The following TMEM182 variants were observed in gnomAD, a reference collection of about 807,000 sequenced individuals.
TMEM182 encodes transmembrane protein 182.
In TMEM182, 20 loss-of-function variants were observed where a neutral mutation model predicts 26.8. That is an observed-to-expected ratio of 0.75 (90% CI 0.53 to 1.09). The LOEUF (loss-of-function observed/expected upper bound fraction) is 1.09. TMEM182 is among the 50% of genes least tolerant of loss of function. TMEM182 has a pLI of 0.00. For synonymous variants in TMEM182, 109 were observed against 102.2 expected, an observed-to-expected ratio of 1.07 and a Z score of -0.40; for missense variants, 277 against 275.5, an observed-to-expected ratio of 1.01 and a Z score of -0.04.
rs555988957 is a variant in TMEM182, at chr2:102,817,547, TGGTA to T, written c.*2582_*2585del. 360 of 985,406 alleles carry T rather than the reference TGGTA, an allele frequency of 3.7e-4. 8 individuals carry two copies. The South Asian group carries it at 0.015, about 41-fold the overall frequency. 61.0% of individuals were successfully genotyped at this position (985,406 alleles called of 1,614,324 possible). Reference sequence around the variant, plus strand: ...TGATCGTGTACAATTTGAGGGTTGATGGTAGGGCTTTCTAAAAAAAGTAATATCA... The same window carrying T: ...TGATCGTGTACAATTTGAGGGTTGATGGGCTTTCTAAAAAAAGTAATATCA... On this transcript the variant is annotated 3_prime_UTR_variant, in exon 5 of 5. Transcript: ENST00000412401.
In TMEM182 at chr2:102,817,543, T is replaced by C; in HGVS notation, c.*2575T>C. 1.0e-6 allele frequency: 1 copy of C among 985,316 alleles called. No individual in the cohort carries two copies. Among genetic ancestry groups the C allele is most frequent in the Non-Finnish European group, 1.2e-6 (1 of 829,916 alleles). 61.0% of individuals were successfully genotyped at this position (985,316 alleles called of 1,614,324 possible). A position where few individuals can be genotyped will look rare whatever the true frequency, so the allele number is the denominator to read the frequency against. On this transcript the variant is annotated 3_prime_UTR_variant, in exon 5 of 5. Transcript: ENST00000412401. ...TTAATGATCGTGTACAATTTGAGGG[T>C]TGATGGTAGGGCTTTCTAAAAAAAG... is the stretch of plus-strand genomic sequence containing the variant.
downstream of TMEM182, among the ~76,000 whole-genome samples, chr2:102,821,620 G>A (rs552396998): frequency 2.6e-5 from 4 of 152,138 alleles, no homozygotes; most frequent in African/African-American, 9.7e-5. Flanking sequence ...ACAGTCTCGG[G>A]TATTTCTTTA....
chr2:102,802,373 C>T (rs1458385242), intron 4 of TMEM182, among the ~76,000 whole-genome samples: 2 of 152,106 alleles, frequency 1.3e-5, no homozygotes, highest in Non-Finnish European at 2.9e-5. Flanking sequence ...GTGGATATTG[C>T]TTCTCCCTAC....
chr2:102,801,644 C>T (rs1453297288), intron 4 of TMEM182, among the ~76,000 whole-genome samples: 2 of 152,144 alleles, frequency 1.3e-5, no homozygotes, highest in Non-Finnish European at 2.9e-5. Flanking sequence ...TTAGATAAAA[C>T]AAAATACTTG....
downstream of TMEM182, among the ~76,000 whole-genome samples, chr2:102,822,178 A>G (rs80005505): frequency 8.3e-4 from 127 of 152,248 alleles, 3 homozygotes; most frequent in East Asian, 0.02. Context: ...CAGAGGAGCA[A>G]TGTGGGCCTG....
chr2:102,836,100 T>C (rs1683242112), intron 3 of TMEM182, among the ~76,000 whole-genome samples: 1 of 152,202 alleles, frequency 6.6e-6, no homozygotes, highest in South Asian at 2.1e-4. Flanking sequence ...CTGAATAATA[T>C]TCCATTGTTT....
rs563836509 is a variant in TMEM182, at chr2:102,840,625, G to A, written c.326-2787G>A. ...AATTAAAACAAAAATGAGGAAGGCC[G>A]ATTAAAAAAGAACATTTGACAGACA... On this transcript the variant is annotated intron_variant, in intron 3 of 3. Transcript: ENST00000486293. Among the ~76,000 whole-genome samples, 44 of 152,204 alleles carry A rather than the reference G, an allele frequency of 2.9e-4. No individual in the cohort carries two copies. In the South Asian group the frequency reaches 6.6e-3, roughly 23 times the overall value.
At chr2:102,758,597 T>A (rs2732838), upstream of TMEM182, 970 of 660,092 alleles carry the variant, frequency 1.5e-3, 8 homozygotes, top group African/African-American at 0.016. Context: ...GCTTAACAAG[T>A]ACCAAGCTGG....
At chr2:102,741,218 A>G (rs988765833) in intron 1 of TMEM182, among the ~76,000 whole-genome samples, 1 of 152,240 alleles carries the variant, frequency 6.6e-6, no homozygotes, top group Non-Finnish European at 1.5e-5. Flanking sequence ...TGCTGGGACT[A>G]GTAACTAGTA....
chr2:102,802,078 G>A (rs1201552629), intron 4 of TMEM182, among the ~76,000 whole-genome samples: 2 of 152,088 alleles, frequency 1.3e-5, no homozygotes, highest in Non-Finnish European at 2.9e-5. Context: ...GGTGCAGCCT[G>A]GGCTCAGGCT....
chr2:102,815,617 A>G lies in TMEM182; in HGVS notation c.*649A>G. The G allele has an allele frequency of 1.0e-6, 1 of 985,480 alleles. No individual in the cohort carries two copies. 61.0% of individuals were successfully genotyped at this position (985,480 alleles called of 1,614,324 possible). On this transcript the variant is annotated 3_prime_UTR_variant, in exon 5 of 5. Coordinates refer to ENST00000412401, the MANE Select transcript of TMEM182 (RefSeq NM_144632.5). ...TATTCACTTAATTGTGCATGCTTAC[A>G]TAAACTTTAAACTACATTTAAAACT...
chr2:102,828,313 T>G (rs1342744191), intron 3 of TMEM182, among the ~76,000 whole-genome samples: 1 of 152,148 alleles, frequency 6.6e-6, no homozygotes, highest in Non-Finnish European at 1.5e-5. Context: ...CTGATAGAAT[T>G]GCTAGCACGT....
At chr2:102,784,228 A>T (rs558977138) in intron 3 of TMEM182, among the ~76,000 whole-genome samples, 1 of 152,314 alleles carries the variant, frequency 6.6e-6, no homozygotes, top group East Asian at 1.9e-4. Flanking sequence ...CACTGGGTAG[A>T]CTAGTTTACA....
chr2:102,757,493 A>G (rs928052941), upstream of TMEM182: 1 of 152,072 alleles, frequency 6.6e-6, no homozygotes, highest in Non-Finnish European at 1.5e-5. Context: ...CCACAGAGAC[A>G]CTGGTTGTTT....
chr2:102,745,597 GC>G (rs1433302179), intron 1 of TMEM182, among the ~76,000 whole-genome samples: 1 of 151,790 alleles, frequency 6.6e-6, no homozygotes, highest in East Asian at 1.9e-4. Flanking sequence ...TTTAATCCCT[GC>G]CCCCCAAAAT....
At chr2:102,749,581 T>C (rs1679816222) in intron 1 of TMEM182, among the ~76,000 whole-genome samples, 1 of 152,182 alleles carries the variant, frequency 6.6e-6, no homozygotes, top group Non-Finnish European at 1.5e-5. Flanking sequence ...AATTTTATGG[T>C]ATATTAGTTA....
chr2:102,757,727 C>G (rs1400373354), upstream of TMEM182, among the ~76,000 whole-genome samples: 1 of 152,156 alleles, frequency 6.6e-6, no homozygotes, highest in African/African-American at 2.4e-5. Flanking sequence ...CTATAAAGAA[C>G]TGAACTACCA....
intron 3 of TMEM182, among the ~76,000 whole-genome samples, chr2:102,834,858 G>A (rs1683211916): frequency 1.3e-5 from 2 of 152,156 alleles, no homozygotes; most frequent in Non-Finnish European, 1.5e-5. Flanking sequence ...TGTTACCTTA[G>A]GAATAAAATA....
rs186896380 is a variant in TMEM182 at position 102,810,894 on chromosome 2, A to T, written c.470-3854A>T. 4.9e-4 allele frequency among the ~76,000 whole-genome samples: 75 copies of T among 152,146 alleles called. 2 individuals carry two copies. Among genetic ancestry groups the T allele is most frequent in the Admixed American group, 3.2e-3 (49 of 15,274 alleles). On this transcript the variant is annotated intron_variant, in intron 4 of 4. Coordinates refer to ENST00000412401, the MANE Select transcript of TMEM182 (RefSeq NM_144632.5). ...ACTGTGGCAAGTAGGTTTGTAACTC[A>T]TTGTTATTCAAGCCAGTTATTGTTT...
Sources: gnomAD v4.1 joint callset for allele counts (sites outside exome capture counted in the v4.1 genomes callset) on GRCh38, gnomAD v4.1.1 for gene constraint, MANE v1.5 for transcripts, NCBI Gene and HGNC (gene_info 2026-07-23, HGNC 2026-07-21) for gene names.